Variants in DIAPH2 observed in about 807,000 individuals in gnomAD.
DIAPH2 encodes the protein protein diaphanous homolog 2.
A neutral mutation model predicts 92.7 loss-of-function variants in DIAPH2; 35 were observed. That is an observed-to-expected ratio of 0.38 (90% CI 0.29 to 0.50). DIAPH2 has a LOEUF of 0.50. DIAPH2 is among the 20% of genes least tolerant of loss of function. The pLI is 0.94. For missense variants in DIAPH2, 701 were observed against 819.5 expected (o/e 0.86, Z 1.77); for synonymous variants, 301 against 280.4 (o/e 1.07, Z -0.73).
chrX:97,268,335 C>T (rs775904033), intron 23 of DIAPH2, among the ~76,000 whole-genome samples: 2 of 112,463 alleles, frequency 1.8e-5, no homozygotes, highest in East Asian at 2.8e-4. Flanking sequence ...TACCTACTTC[C>T]GAAACAATGT....
chrX:96,765,288 C>T (rs2064295958), intron 4 of DIAPH2, among the ~76,000 whole-genome samples: 1 of 105,782 alleles, frequency 9.5e-6, no homozygotes, highest in Non-Finnish European at 1.9e-5. Flanking sequence ...TCCTTGATCT[C>T]CCGGGCTCAA....
intron 13 of DIAPH2, among the ~76,000 whole-genome samples, chrX:96,945,117 C>T (rs1382569390): frequency 9.0e-6 from 1 of 110,843 alleles, no homozygotes; most frequent in Non-Finnish European, 1.9e-5. Flanking sequence ...TTCTGTCTCT[C>T]TCTAGCTTTT....
intron 26 of DIAPH2, among the ~76,000 whole-genome samples, chrX:97,435,869 G>A (rs1199819900): frequency 2.9e-5 from 3 of 101,964 alleles, no homozygotes; most frequent in Admixed American, 2.2e-4. Context: ...GTGCGGTGGC[G>A]CGATCTTGGC....
At chrX:96,938,401 A>C (rs1200472135) in intron 11 of DIAPH2, among the ~76,000 whole-genome samples, 1 of 111,746 alleles carries the variant, frequency 8.9e-6, no homozygotes, top group Non-Finnish European at 1.9e-5. Context: ...CTTGCTTTAC[A>C]TAGATTCCTC....
intron 4 of DIAPH2, among the ~76,000 whole-genome samples, chrX:96,815,559 A>G (rs770790835): frequency 1.2e-4 from 14 of 112,352 alleles, no homozygotes; most frequent in Non-Finnish European, 2.4e-4. Context: ...TCCCAATGAG[A>G]TGAACCAGGT....
intron 22 of DIAPH2, among the ~76,000 whole-genome samples, chrX:97,184,698 T>G (rs2067566307): frequency 9.0e-6 from 1 of 111,725 alleles, no homozygotes; most frequent in Non-Finnish European, 1.9e-5. Flanking sequence ...TTAGTAATGT[T>G]AAGGCAGTTG....
At chrX:97,496,703 A>G (rs1412304455) in intron 26 of DIAPH2, among the ~76,000 whole-genome samples, 24 of 97,207 alleles carry the variant, frequency 2.5e-4, no homozygotes, top group Non-Finnish European at 2.4e-4. Context: ...CTTGTCACCA[A>G]GGGGGGAGTG....
intron 22 of DIAPH2, among the ~76,000 whole-genome samples, chrX:97,238,007 T>A (rs917130350): frequency 1.8e-5 from 2 of 112,079 alleles, no homozygotes; most frequent in African/African-American, 6.5e-5. Flanking sequence ...TTTCAGTTTG[T>A]TTTTTAGCCT....
chrX:97,188,970 A>T (rs1233150636), intron 22 of DIAPH2, among the ~76,000 whole-genome samples: 1 of 111,361 alleles, frequency 9.0e-6, no homozygotes, highest in Non-Finnish European at 1.9e-5. Flanking sequence ...AATTTTATGG[A>T]TATATATGAG....
chrX:96,874,535 T>G (rs988992913), intron 4 of DIAPH2, among the ~76,000 whole-genome samples: 1 of 112,193 alleles, frequency 8.9e-6, no homozygotes, highest in African/African-American at 3.2e-5. Flanking sequence ...ATATGTCAAA[T>G]TGATTGCTTA....
intron 24 of DIAPH2, among the ~76,000 whole-genome samples, chrX:97,365,737 G>C (rs2069374872): frequency 1.1e-5 from 1 of 94,691 alleles, no homozygotes; most frequent in Admixed American, 1.2e-4. Flanking sequence ...ATGGAGTCTT[G>C]CTCTGCTGTC....
intron 22 of DIAPH2, among the ~76,000 whole-genome samples, chrX:97,216,951 C>T (rs979923379): frequency 8.9e-6 from 1 of 111,828 alleles, no homozygotes; most frequent in African/African-American, 3.3e-5. Flanking sequence ...AGGACAGAAA[C>T]TTCTGCCATA....
At position 96,888,310 on chromosome X, in the gene DIAPH2, C is replaced by T. The variant is rs1006799910; in HGVS notation, c.587+6592C>T. ...TCCTGACCTCGTGATCCGCCTGCCT[C>T]GGCCTCCCAGAGTGCTGGGATTACA... is the stretch of plus-strand genomic sequence containing the variant. On this transcript the variant is annotated intron_variant, in intron 5 of 26. Transcript: ENST00000324765. Among the ~76,000 whole-genome samples the T allele has an allele frequency of 3.7e-5, 4 of 108,851 alleles. No homozygotes were observed. In the East Asian group the frequency reaches 1.1e-3, roughly 31 times the overall value. The allele number at this position is 108,851 out of a possible 115,157, so 94.5% of individuals were successfully genotyped here.
At chrX:96,976,163 C>T (rs1316515128) in intron 17 of DIAPH2, among the ~76,000 whole-genome samples, 1 of 109,541 alleles carries the variant, frequency 9.1e-6, no homozygotes, top group African/African-American at 3.3e-5. Context: ...AAGTGTGCAC[C>T]ACGATACCTG....
At chrX:97,185,451 G>GTATATATATA (rs1569323278) in intron 22 of DIAPH2, among the ~76,000 whole-genome samples, 2 of 21,615 alleles carry the variant, frequency 9.3e-5, no homozygotes, top group African/African-American at 2.7e-4. Context: ...ATATATATGT[G>GTATATATATA]TGTGTATATA....
intron 5 of DIAPH2, among the ~76,000 whole-genome samples, chrX:96,886,094 TTTC>T (rs1338460559): frequency 9.0e-6 from 1 of 110,673 alleles, no homozygotes; most frequent in Non-Finnish European, 1.9e-5. Flanking sequence ...TCCAGAATTT[TTTC>T]TTTTCTATAT....
chrX:97,296,880 C>T (rs2068648129), intron 23 of DIAPH2, among the ~76,000 whole-genome samples: 2 of 108,241 alleles, frequency 1.8e-5, no homozygotes, highest in South Asian at 4.0e-4. Flanking sequence ...CGGGTTCAAG[C>T]GATTCTCCTG....
intron 22 of DIAPH2, among the ~76,000 whole-genome samples, chrX:97,244,860 G>A (rs1209624727): frequency 8.9e-6 from 1 of 111,741 alleles, no homozygotes. Context: ...GGAGGCCGAG[G>A]CGGGTGGATC....
At chrX:97,232,923 ATTCTT>A (rs1255572067) in intron 22 of DIAPH2, among the ~76,000 whole-genome samples, 1 of 112,377 alleles carries the variant, frequency 8.9e-6, no homozygotes, top group Non-Finnish European at 1.9e-5. Flanking sequence ...ATGAAAAAAT[ATTCTT>A]TTCATTTACT....
Sources: gnomAD v4.1 joint callset for allele counts (sites outside exome capture counted in the v4.1 genomes callset) on GRCh38, gnomAD v4.1.1 for gene constraint, MANE v1.5 for transcripts, NCBI Gene and HGNC (gene_info 2026-07-23, HGNC 2026-07-21) for gene names.